Variants in NALF1 observed in about 807,000 individuals in gnomAD.
The protein encoded by NALF1 is NALCN channel auxiliary factor 1, also known as family with sequence similarity 155 member A.
NALF1 carries 3 observed loss-of-function variants against 48.4 expected under a neutral mutation model. That is an observed-to-expected ratio of 0.06 (90% confidence interval 0.03 to 0.16). The LOEUF is 0.16. NALF1 is among the 10% of genes least tolerant of loss of function. The pLI is 1.00. For missense variants in NALF1, 526 were observed against 571.5 expected, an observed-to-expected ratio of 0.92 and a Z score of 0.81; for synonymous variants, 262 against 245.7, an observed-to-expected ratio of 1.07 and a Z score of -0.62.
intron 2 of NALF1, among the ~76,000 whole-genome samples, chr13:107,197,722 G>T (rs544872197): frequency 4.6e-5 from 7 of 152,300 alleles, no homozygotes; most frequent in Admixed American, 2.0e-4. Context: ...TTTACGTGAG[G>T]AATTTCTTTA....
In NALF1 at chr13:107,254,062, A is replaced by AAAAAAATATATATATATATATATAT; in HGVS notation, c.916-43308_916-43307insATATATATATATATATATATTTTTT. The stretch of plus-strand genomic sequence containing the variant: ...AGATGTTTAAGGGAGCAAGTACTAA[A>AAAAAAATATATATATATATATATAT]ATATATATATATATATTAAGCACAC... On this transcript the variant is annotated intron_variant, in intron 1 of 2. Coordinates refer to ENST00000375915, the MANE Select transcript of NALF1 (RefSeq NM_001080396.3). Among the ~76,000 whole-genome samples the AAAAAAATATATATATATATATATAT allele has an allele frequency of 5.4e-4, 75 of 138,672 alleles. 1 individual carries two copies. Among genetic ancestry groups the AAAAAAATATATATATATATATATAT allele is most frequent in the African/African-American group, 2.0e-3 (73 of 37,056 alleles). 91.0% of individuals were successfully genotyped at this position (138,672 alleles called of 152,430 possible).
At chr13:107,538,528 A>G (rs1405861139) in intron 1 of NALF1, among the ~76,000 whole-genome samples, 1 of 152,188 alleles carries the variant, frequency 6.6e-6, no homozygotes, top group Non-Finnish European at 1.5e-5. Context: ...AGTTCTAATC[A>G]TATGATCTCA....
intron 1 of NALF1, among the ~76,000 whole-genome samples, chr13:107,735,543 C>A (rs969827750): frequency 6.6e-6 from 1 of 152,164 alleles, no homozygotes; most frequent in Non-Finnish European, 1.5e-5. Context: ...TAATTTCTCT[C>A]TTCTCTGAGA....
At chr13:107,280,669 T>G (rs2138872265) in intron 1 of NALF1, among the ~76,000 whole-genome samples, 1 of 152,312 alleles carries the variant, frequency 6.6e-6, no homozygotes, top group Non-Finnish European at 1.5e-5. Context: ...TCATGAAAAC[T>G]CAAGAAACTT....
At chr13:107,308,737 A>C (rs1845489255) in intron 1 of NALF1, among the ~76,000 whole-genome samples, 1 of 152,216 alleles carries the variant, frequency 6.6e-6, no homozygotes, top group Non-Finnish European at 1.5e-5. Context: ...AAATCAAGCC[A>C]ATGTCTCTCC....
rs1451276367 is a variant in NALF1 at position 107,729,216 on chromosome 13, A to G, written c.915+136466T>C. 3.3e-5 allele frequency among the ~76,000 whole-genome samples: 5 copies of G among 152,328 alleles called. No individual in the cohort carries two copies. In the South Asian group the frequency reaches 1.0e-3, roughly 32 times the overall value. ...TATAAAAATATACTTATAAACAAAC[A>G]TAAAGAAGAATATGTGAAACAAGCA... On this transcript the variant is annotated intron_variant, in intron 1 of 2. Transcript: ENST00000375915.
At chr13:107,248,397 C>T (rs1313908101) in intron 1 of NALF1, among the ~76,000 whole-genome samples, 1 of 151,904 alleles carries the variant, frequency 6.6e-6, no homozygotes, top group African/African-American at 2.4e-5. Flanking sequence ...TATCCAACTG[C>T]TTATGGCTTA....
chr13:107,425,750 G>A (rs935412303), intron 1 of NALF1, among the ~76,000 whole-genome samples: 1 of 152,096 alleles, frequency 6.6e-6, no homozygotes, highest in African/African-American at 2.4e-5. Context: ...GATATTGGAT[G>A]TCTATGTACT....
At chr13:107,806,369 TAAAGA>T (rs779335057) in intron 1 of NALF1, among the ~76,000 whole-genome samples, 1 of 152,032 alleles carries the variant, frequency 6.6e-6, no homozygotes, top group Non-Finnish European at 1.5e-5. Context: ...TAGATCAAAT[TAAAGA>T]AATTACATCA....
At chr13:107,479,564 A>C (rs1387747247) in intron 1 of NALF1, among the ~76,000 whole-genome samples, 1 of 152,060 alleles carries the variant, frequency 6.6e-6, no homozygotes, top group Non-Finnish European at 1.5e-5. Context: ...CGTCCTTTGG[A>C]ATTAGAATGG....
intron 2 of NALF1, among the ~76,000 whole-genome samples, chr13:107,194,008 TTATC>T (rs71772534): frequency 0.19 from 26,505 of 138,814 alleles, 2,473 homozygotes; most frequent in East Asian, 0.25. Flanking sequence ...CCTATCTATC[TTATC>T]TATCTATCTA....
At chr13:107,849,211 T>G (rs945082774) in intron 1 of NALF1, among the ~76,000 whole-genome samples, 6 of 152,152 alleles carry the variant, frequency 3.9e-5, no homozygotes, top group Admixed American at 3.9e-4. Context: ...GTTTGGAAAG[T>G]GATATTTAAA....
At chr13:107,332,832 G>GTTTGTT (rs1230319836) in intron 1 of NALF1, among the ~76,000 whole-genome samples, 4 of 151,868 alleles carry the variant, frequency 2.6e-5, no homozygotes, top group Admixed American at 1.3e-4. Context: ...TTTTTTGTTT[G>GTTTGTT]TTTGTTTTTG....
At chr13:107,356,998 C>T (rs1882974179) in intron 1 of NALF1, among the ~76,000 whole-genome samples, 1 of 152,246 alleles carries the variant, frequency 6.6e-6, no homozygotes, top group Non-Finnish European at 1.5e-5. Flanking sequence ...TAGATAGTGG[C>T]CTGGTCAAAG....
intron 1 of NALF1, among the ~76,000 whole-genome samples, chr13:107,406,329 C>T (rs541482791): frequency 6.6e-6 from 1 of 152,028 alleles, no homozygotes; most frequent in South Asian, 2.1e-4. Flanking sequence ...TGATCTGTTG[C>T]CATATAGAAA....
At chr13:107,489,126 G>A (rs1249830167) in intron 1 of NALF1, among the ~76,000 whole-genome samples, 2 of 151,904 alleles carry the variant, frequency 1.3e-5, no homozygotes, top group South Asian at 2.1e-4. Context: ...TCTGAGATGA[G>A]ATGACACAAT....
chr13:107,805,414 A>T (rs1878747862), intron 1 of NALF1, among the ~76,000 whole-genome samples: 1 of 152,190 alleles, frequency 6.6e-6, no homozygotes, highest in South Asian at 2.1e-4. Context: ...TTCTATGCTT[A>T]CGGAAGAAGC....
At chr13:107,586,381 T>C (rs1481869794) in intron 1 of NALF1, among the ~76,000 whole-genome samples, 1 of 152,070 alleles carries the variant, frequency 6.6e-6, no homozygotes, top group African/African-American at 2.4e-5. Flanking sequence ...CTTGAAGACA[T>C]ATGAGTCTAC....
chr13:107,558,315 T>G (rs942773270), intron 1 of NALF1, among the ~76,000 whole-genome samples: 3 of 152,184 alleles, frequency 2.0e-5, no homozygotes, highest in African/African-American at 7.2e-5. Context: ...TTATTCATTT[T>G]TATCAATCTT....
Sources: gnomAD v4.1 joint callset for allele counts (sites outside exome capture counted in the v4.1 genomes callset) on GRCh38, gnomAD v4.1.1 for gene constraint, MANE v1.5 for transcripts, NCBI Gene and HGNC (gene_info 2026-07-23, HGNC 2026-07-21) for gene names.